Variants in WDR86 observed in about 807,000 individuals in gnomAD.
WDR86 encodes the protein WD repeat-containing protein 86.
In WDR86, 30 loss-of-function variants were observed where a neutral mutation model predicts 36.5. The observed-to-expected ratio is 0.82, with a 90% CI of 0.61 to 1.11. The LOEUF is 1.11. Among genes scored for constraint, WDR86 ranks in the 50% most tolerant of loss-of-function variants. The probability of loss-of-function intolerance (pLI) is 0.00; values close to 1 mark genes in which losing one functional copy is unlikely to be tolerated. For synonymous variants in WDR86, 255 were observed against 252.9 expected (o/e 1.01, Z -0.08); for missense variants, 545 against 561.2 (o/e 0.97, Z 0.29).
At chr7:151,389,222 C>CCCG in intron 3 of WDR86, among the ~76,000 whole-genome samples, 1 of 150,746 alleles carries the variant, frequency 6.6e-6, no homozygotes, top group South Asian at 2.1e-4. Context: ...TCCCAAAGTG[C>CCCG]TGGGATAACA....
chr7:151,371,869 G>A (rs899140149), downstream of WDR86, among the ~76,000 whole-genome samples: 17 of 152,154 alleles, frequency 1.1e-4, no homozygotes, highest in African/African-American at 3.6e-4. Context: ...AAGAGCTCTC[G>A]GCTGATTTTT....
chr7:151,403,116 C>A (rs1002808412), intron 1 of WDR86, among the ~76,000 whole-genome samples: 6 of 152,248 alleles, frequency 3.9e-5, no homozygotes, highest in Non-Finnish European at 7.3e-5. Flanking sequence ...CACATCGCTT[C>A]ACTTGTGTGG....
rs570406881 is a variant in WDR86, at chr7:151,391,211, G to A, written c.726+4565C>T. 5.0e-4 allele frequency among the ~76,000 whole-genome samples: 76 copies of A among 152,348 alleles called. 1 individual carries two copies. The highest frequency in any genetic ancestry group is 6.8e-3 in the Middle Eastern group (2 of 294). On this transcript the variant is annotated intron_variant, in intron 3 of 5. Transcript: ENST00000334493. The stretch of plus-strand genomic sequence containing the variant: ...AGGGAGAACTGACATAGCCACCTGC[G>A]GGGGCGGGGCCCAGCGAGGGCTAGG...
At chr7:151,376,368 G>A (rs1798247099), downstream of WDR86, 1 of 510,852 alleles carries the variant, frequency 2.0e-6, no homozygotes, top group African/African-American at 1.9e-5. Flanking sequence ...CTCGTGGTGA[G>A]GCTGGTGTGG....
At chr7:151,397,765 G>A (rs1346618226) in intron 2 of WDR86, among the ~76,000 whole-genome samples, 3 of 32,334 alleles carry the variant, frequency 9.3e-5, no homozygotes, top group African/African-American at 2.7e-4. Flanking sequence ...GCGGGAGGAA[G>A]AGGGCGTAGC....
chr7:151,369,962 G>A, the WDR86 span, among the ~76,000 whole-genome samples: 1 of 152,210 alleles, frequency 6.6e-6, no homozygotes, highest in African/African-American at 2.4e-5. Flanking sequence ...GTGGTGAGCA[G>A]TCACAGGGTT....
At chr7:151,396,656 T>C (rs1055837206) in intron 2 of WDR86, among the ~76,000 whole-genome samples, 5 of 146,352 alleles carry the variant, frequency 3.4e-5, no homozygotes, top group African/African-American at 1.3e-4. Context: ...TGGGACACGC[T>C]GGTCACCCTG....
downstream of WDR86, chr7:151,373,947 G>C (rs1022938629): frequency 1.8e-5 from 14 of 784,402 alleles, no homozygotes; most frequent in Non-Finnish European, 2.4e-5. Context: ...CCATTTGGCT[G>C]GGTGAGGAGA....
intron 4 of WDR86, 37 bp downstream of exon 4, chr7:151,385,051 T>C: frequency 2.6e-6 from 4 of 1,549,090 alleles, no homozygotes; most frequent in Non-Finnish European, 3.5e-6. Context: ...GAAGCCAGGC[T>C]GGGGTGGCAC....
rs746374380 is a variant in WDR86, at chr7:151,390,105, T to C, written c.727-4882A>G. Among the ~76,000 whole-genome samples, 2 of 151,484 alleles carry C rather than the reference T, an allele frequency of 1.3e-5. No homozygotes were observed. Among genetic ancestry groups the C allele is most frequent in the Non-Finnish European group, 2.9e-5 (2 of 67,864 alleles). On this transcript the variant is annotated intron_variant, in intron 3 of 5. Transcript: ENST00000334493. The surrounding 1 kb of genome is among the most constrained non-coding windows in gnomAD (Gnocchi z 4.5). ...GATCCAAATGCAAGAGAGCGTGGGG[T>C]GTAATGGCCAGCCCTGGTGCCACGA...
chr7:151,407,420 C>G (rs1800787281), intron 1 of WDR86, among the ~76,000 whole-genome samples: 1 of 152,216 alleles, frequency 6.6e-6, no homozygotes, highest in Admixed American at 6.5e-5. Flanking sequence ...CCTGGCAAAG[C>G]CTGGGGCCTC....
intron 3 of WDR86, among the ~76,000 whole-genome samples, chr7:151,386,060 C>T (rs987820201): frequency 6.6e-6 from 1 of 152,118 alleles, no homozygotes; most frequent in Non-Finnish European, 1.5e-5. Context: ...GGCTTCATGC[C>T]CCAGAGAGGC....
downstream of WDR86, chr7:151,374,057 A>G (rs1459042506): frequency 2.0e-6 from 3 of 1,526,084 alleles, no homozygotes; most frequent in African/African-American, 4.2e-5. Context: ...GTGAAATCTC[A>G]GTCCCTAACT....
In WDR86 at chr7:151,405,143, C is replaced by T. The variant is rs1239766369; in HGVS notation, c.163+4284G>A. ...ATCCCCCTCTTTTCCACCCTGCCAC[C>T]GCCATCTGCATGGACTTCACAGTGG... On this transcript the variant is annotated intron_variant, in intron 1 of 5. Coordinates refer to ENST00000334493, the MANE Select transcript of WDR86 (RefSeq NM_198285.3). The surrounding 1 kb of genome is among the most constrained non-coding windows in gnomAD (Gnocchi z 4.7). Among the ~76,000 whole-genome samples the T allele has an allele frequency of 3.3e-5, 5 of 152,252 alleles. No homozygotes were observed. In the South Asian group the frequency reaches 8.3e-4, roughly 25 times the overall value.
chr7:151,392,675 C>A (rs1003330080), intron 3 of WDR86, among the ~76,000 whole-genome samples: 1 of 152,170 alleles, frequency 6.6e-6, no homozygotes, highest in Non-Finnish European at 1.5e-5. Flanking sequence ...CCGGGGCCAC[C>A]GGCCGCCCAG....
chr7:151,409,350 G>C lies in WDR86; in HGVS notation c.163+77C>G, dbSNP rs1413422241. 8 of 1,533,492 alleles carry C rather than the reference G, an allele frequency of 5.2e-6. No homozygotes were observed. Among genetic ancestry groups the C allele is most frequent in the Non-Finnish European group, 7.0e-6 (8 of 1,135,044 alleles). The allele number at this position is 1,533,492 out of a possible 1,614,324, so 95.0% of individuals were successfully genotyped here. On this transcript the variant is annotated intron_variant, in intron 1 of 5. Coordinates refer to ENST00000334493, the MANE Select transcript of WDR86 (RefSeq NM_198285.3). The surrounding 1 kb of genome is among the most constrained non-coding windows in gnomAD (Gnocchi z 5.2). ...CTGGACTTCTAGAAAGGGGTCTGCGGGCGCAGGAGCTGGGGTCCGCGGTCT... is the reference window on the plus strand; with the variant it reads ...CTGGACTTCTAGAAAGGGGTCTGCGCGCGCAGGAGCTGGGGTCCGCGGTCT...
intron 1 of WDR86, among the ~76,000 whole-genome samples, chr7:151,407,698 G>A (rs183938142): frequency 3.9e-4 from 59 of 152,252 alleles, no homozygotes; most frequent in Non-Finnish European, 5.9e-5. Context: ...AAAATTAGCT[G>A]GGCGTGGTGG....
upstream of WDR86, chr7:151,410,562 G>A (rs1801134926): frequency 6.6e-6 from 1 of 152,280 alleles, no homozygotes; most frequent in South Asian, 2.1e-4. Flanking sequence ...GAGCCGCTGC[G>A]GGGTCGGTGG....
rs755458810 is a variant in WDR86 at position 151,409,430 on chromosome 7, G to C, written c.160C>G (p.Gln54Glu). 6.4e-6 allele frequency: 10 copies of C among 1,551,748 alleles called. No homozygotes were observed. Among genetic ancestry groups the C allele is most frequent in the Non-Finnish European group, 6.9e-6 (8 of 1,153,260 alleles). Residue 54 changes from glutamine to glutamate, a missense_variant, in exon 1 of 6, where the codon CAA (glutamine) becomes GAA (glutamate). Transcript: ENST00000334493. This position sits in a 1 kb window ranked among gnomAD's most constrained non-coding sequence, Gnocchi z 5.2. ...GGGAGGGAGTGGGAGGGTCTACCTT[G>C]CAGGAGCGCGCAGCACTGGCCGTCC... ...TADGQCCALL[Q>E]GHESYVTFCQ...
Sources: allele counts gnomAD v4.1 joint callset (sites outside exome capture counted in the v4.1 genomes callset), GRCh38; gene constraint gnomAD v4.1.1; non-coding constraint Gnocchi (gnomAD v3.1); transcripts MANE v1.5; gene names NCBI Gene and HGNC (gene_info 2026-07-23, HGNC 2026-07-21).